The following COG3 variants were observed in gnomAD, a reference collection of about 807,000 sequenced individuals.
COG3 encodes the protein component of oligomeric golgi complex 3.
Under a neutral mutation model 114.1 loss-of-function variants are expected in COG3, and 32 were observed. The ratio of observed to expected loss-of-function variants is 0.28; its 90% CI spans 0.21 to 0.38. The LOEUF (loss-of-function observed/expected upper bound fraction) is 0.38, where lower values mean the gene tolerates loss of function less well. Ranked by LOEUF, COG3 falls within the 10% of genes least tolerant of loss-of-function variation. The probability of loss-of-function intolerance (pLI) is 1.00; values close to 1 mark genes in which losing one functional copy is unlikely to be tolerated. For synonymous variants in COG3, 352 were observed against 365.7 expected (o/e 0.96, Z 0.43); for missense variants, 813 against 973.2 (o/e 0.84, Z 2.19).
At chr13:45,478,982 A>C (rs200218775) in intron 2 of COG3, 23 bp from the exon 3 acceptor site, 1 of 1,584,058 alleles carries the variant, frequency 6.3e-7, no homozygotes, top group East Asian at 2.2e-5. Context: ...TTTTGTTCAC[A>C]ATATAATACT....
chr13:45,465,413 T>A, intron 1 of COG3: 1 of 872,378 alleles, frequency 1.1e-6, no homozygotes, highest in Non-Finnish European at 1.7e-6. Context: ...TAATTCTGCC[T>A]GGGGACGGCT....
At chr13:45,482,504 G>T (rs772591998) in intron 6 of COG3, 31 bp downstream of exon 6, 2 of 1,026,160 alleles carry the variant, frequency 1.9e-6, no homozygotes, top group Non-Finnish European at 2.9e-6. Context: ...ATGTTTTAAA[G>T]AAATCCTTAG....
chr13:45,480,415 G>C (rs1886177580), intron 4 of COG3, 125 bp downstream of exon 4: 1 of 641,624 alleles, frequency 1.6e-6, no homozygotes. Flanking sequence ...GAGGCCCTGT[G>C]CTCAGCATGC....
At chr13:45,475,470 C>T (rs1199739192) in intron 1 of COG3, among the ~76,000 whole-genome samples, 4 of 152,038 alleles carry the variant, frequency 2.6e-5, no homozygotes, top group Non-Finnish European at 4.4e-5. Flanking sequence ...TCTCAAAGTG[C>T]TGGGATTACA....
intron 1 of COG3, among the ~76,000 whole-genome samples, chr13:45,469,600 TATAG>T (rs1885347427): frequency 6.6e-6 from 1 of 152,198 alleles, no homozygotes; most frequent in Non-Finnish European, 1.5e-5. Flanking sequence ...AGGGAACAGA[TATAG>T]AGTTACTAAT....
chr13:45,481,799 T>C (rs1180906055), intron 5 of COG3, among the ~76,000 whole-genome samples: 2 of 152,050 alleles, frequency 1.3e-5, no homozygotes, highest in Non-Finnish European at 2.9e-5. Context: ...TAACTATGTA[T>C]AAGTCATGTT....
In COG3 at chr13:45,513,047, C is replaced by T. The variant is rs114568487; in HGVS notation, c.1809+1193C>T. ...AAAAGTGTTGCTTTGCTTAACTCTC[C>T]TCTTAAAATACCTGTCACCTATAGG... On this transcript the variant is annotated intron_variant, in intron 16 of 22. Coordinates refer to ENST00000349995, the MANE Select transcript of COG3 (RefSeq NM_031431.4). 2.5e-3 allele frequency among the ~76,000 whole-genome samples: 375 copies of T among 151,620 alleles called. 2 individuals are homozygous for T. Among genetic ancestry groups the T allele is most frequent in the African/African-American group, 8.4e-3 (349 of 41,374 alleles).
chr13:45,477,426 T>C (rs1189466845), intron 2 of COG3, among the ~76,000 whole-genome samples: 3 of 152,210 alleles, frequency 2.0e-5, no homozygotes, highest in Admixed American at 6.5e-5. Flanking sequence ...TCATTTTAAG[T>C]GTCAGCTCAA....
intron 2 of COG3, among the ~76,000 whole-genome samples, chr13:45,478,703 G>A (rs932605297): frequency 3.3e-5 from 5 of 151,758 alleles, no homozygotes; most frequent in African/African-American, 7.3e-5. Flanking sequence ...TGGCCAGGCT[G>A]GTCTCGAACT....
chr13:45,522,204 G>A (rs1450690023), intron 19 of COG3, among the ~76,000 whole-genome samples: 5 of 152,126 alleles, frequency 3.3e-5, no homozygotes, highest in Non-Finnish European at 7.4e-5. Flanking sequence ...ATTTGGATGT[G>A]TGTTTGTAGG....
intron 20 of COG3, among the ~76,000 whole-genome samples, chr13:45,529,052 A>G (rs1266037385): frequency 2.6e-5 from 4 of 152,220 alleles, no homozygotes; most frequent in Non-Finnish European, 5.9e-5. Flanking sequence ...TCAAACATGG[A>G]TATCACAATC....
chr13:45,528,803 T>G (rs1248637773), intron 20 of COG3, among the ~76,000 whole-genome samples: 1 of 152,240 alleles, frequency 6.6e-6, no homozygotes, highest in Non-Finnish European at 1.5e-5. Flanking sequence ...ATTCTTGTAA[T>G]GGAAACCTAA....
At chr13:45,494,739 C>T (rs1326358907) in intron 12 of COG3, among the ~76,000 whole-genome samples, 13 of 152,024 alleles carry the variant, frequency 8.6e-5, no homozygotes, top group South Asian at 2.1e-4. Context: ...TTGCCCAGGC[C>T]GGTCTTGAGC....
At position 45,475,276 on chromosome 13, in the gene COG3, C is replaced by A. The variant is rs551328036; in HGVS notation, c.175-925C>A. Among the ~76,000 whole-genome samples, 50 of 152,236 alleles carry A rather than the reference C, an allele frequency of 3.3e-4. No homozygotes were observed. In the South Asian group the frequency reaches 0.01, roughly 32 times the overall value. On this transcript the variant is annotated intron_variant, in intron 1 of 22. Transcript: ENST00000349995. The stretch of plus-strand genomic sequence containing the variant: ...TGGGTGGCACGACCTTGACTCACTG[C>A]AACCTCCACCTCCTGGGCTCTGGTG...
chr13:45,491,632 C>A, intron 10 of COG3, 94 bp downstream of exon 10: 1 of 1,191,636 alleles, frequency 8.4e-7, no homozygotes, highest in Non-Finnish European at 1.1e-6. Flanking sequence ...AGATTTGGGG[C>A]CCATAGTTAA....
intron 19 of COG3, among the ~76,000 whole-genome samples, chr13:45,523,207 A>G (rs1191938460): frequency 1.3e-5 from 2 of 152,032 alleles, no homozygotes; most frequent in Admixed American, 6.6e-5. Flanking sequence ...TTATATATAG[A>G]AAATATTCAT....
intron 12 of COG3, 37 bp from the exon 13 acceptor site, chr13:45,496,114 TA>T: frequency 6.4e-7 from 1 of 1,569,804 alleles, no homozygotes; most frequent in Non-Finnish European, 8.7e-7. Context: ...AGTGTTTTTC[TA>T]AATCTAAAAG....
chr13:45,527,253 G>A (rs1872777864), intron 20 of COG3, among the ~76,000 whole-genome samples: 1 of 152,210 alleles, frequency 6.6e-6, no homozygotes, highest in Admixed American at 6.5e-5. Flanking sequence ...TAAAGCAGGA[G>A]TAGATAAAAG....
At chr13:45,472,373 A>G (rs193286379) in intron 1 of COG3, among the ~76,000 whole-genome samples, 1 of 152,032 alleles carries the variant, frequency 6.6e-6, no homozygotes, top group African/African-American at 2.4e-5. Flanking sequence ...ATCTTTCATT[A>G]TTTTTGGAAT....
Sources: gnomAD v4.1 joint callset for allele counts (sites outside exome capture counted in the v4.1 genomes callset) on GRCh38, gnomAD v4.1.1 for gene constraint, MANE v1.5 for transcripts, NCBI Gene and HGNC (gene_info 2026-07-23, HGNC 2026-07-21) for gene names.